BRD8: variants seen among roughly 807,000 people sequenced by gnomAD.
BRD8 encodes the protein bromodomain-containing protein 8.
Under a neutral mutation model 143.1 loss-of-function variants are expected in BRD8, and 67 were observed. The observed-to-expected ratio is 0.47, with a 90% confidence interval of 0.38 to 0.57. The LOEUF (loss-of-function observed/expected upper bound fraction) is 0.57. Among genes scored for constraint, BRD8 ranks in the 20% least tolerant of loss-of-function variants. The pLI is 0.00. For synonymous variants in BRD8, 505 were observed against 517.1 expected (o/e 0.98, Z 0.32); for missense variants, 1,103 against 1,503.0 (o/e 0.73, Z 4.40).
In BRD8 at chr5:138,152,771, A is replaced by T; in HGVS notation, c.2578-11T>A. The stretch of plus-strand genomic sequence containing the variant: ...CCACTCGTGTCCCATCTGTAAATAC[A>T]CAGGAAAACATGCATTAAATTCATT... On this transcript the variant is annotated splice_polypyrimidine_tract_variant and intron_variant, in intron 20 of 26. Coordinates refer to ENST00000254900, the MANE Select transcript of BRD8 (RefSeq NM_139199.2). The T allele has an allele frequency of 6.2e-7, 1 of 1,604,718 alleles. No individual in the cohort carries two copies. The highest frequency in any genetic ancestry group is 8.5e-7 in the Non-Finnish European group (1 of 1,173,050).
chr5:138,140,626 G>A (rs1414732090), intron 26 of BRD8, 79 bp downstream of exon 26: 1 of 1,458,600 alleles, frequency 6.9e-7, no homozygotes, highest in South Asian at 1.1e-5. Flanking sequence ...TGAGAACACA[G>A]TCACCTCGAA....
chr5:138,157,088 C>A (rs1752651743), intron 20 of BRD8: 4 of 1,553,734 alleles, frequency 2.6e-6, no homozygotes, highest in Admixed American at 1.9e-5. Context: ...CAGCTCATGT[C>A]GTGTGGCCCA....
chr5:138,163,735 G>T, intron 14 of BRD8: 2 of 875,790 alleles, frequency 2.3e-6, no homozygotes, highest in Non-Finnish European at 3.2e-6. Flanking sequence ...TGTTACTGCT[G>T]CTTTAATAAT....
intron 2 of BRD8, among the ~76,000 whole-genome samples, chr5:138,175,794 G>A (rs571034272): frequency 1.4e-5 from 2 of 147,798 alleles, no homozygotes; most frequent in South Asian, 4.3e-4. Flanking sequence ...TGTGCCTGTA[G>A]TCCCGGCTAC....
At chr5:138,165,623 G>C (rs2269956) in intron 11 of BRD8, among the ~76,000 whole-genome samples, 27,767 of 151,862 alleles carry the variant, frequency 0.18, 3,418 homozygotes, top group East Asian at 0.38. Flanking sequence ...CTACTCAGGA[G>C]GCTGAGGCAC....
At chr5:138,159,625 TCAG>T in intron 19 of BRD8, 26 bp from the exon 20 acceptor site, 3 of 1,612,688 alleles carry the variant, frequency 1.9e-6, no homozygotes, top group Non-Finnish European at 2.5e-6. Flanking sequence ...CAAACACTGA[TCAG>T]GTTCCACAGA....
At chr5:138,152,818 T>C in intron 20 of BRD8, 58 bp from the exon 21 acceptor site, 1 of 1,552,234 alleles carries the variant, frequency 6.4e-7, no homozygotes, top group Non-Finnish European at 8.7e-7. Context: ...TCCTGAGGCA[T>C]CTCCATCTCC....
chr5:138,178,553 G>T, intron 1 of BRD8, 43 bp downstream of exon 1: 3 of 1,586,826 alleles, frequency 1.9e-6, no homozygotes, highest in East Asian at 2.2e-5. Flanking sequence ...CCTAGCCTCG[G>T]ATCTACAAAG....
At position 138,140,707 on chromosome 5, in the gene BRD8, G is replaced by A. The variant is rs765996343; in HGVS notation, c.3613C>T (p.Gln1205Ter). The change falls in exon 26 of 27, where the codon CAG becomes TAG. Residue 1205 changes from glutamine (Q) to a stop codon, truncating the protein, a stop_gained and splice_region_variant. Transcript: ENST00000254900. LOFTEE classifies it high-confidence loss of function. ...EMRQEVLEQI[Q>*]VLNIWLDKRK... Reference sequence around the variant, plus strand: ...CTACAGGTATCTGCATACAGTACCTGAATCTGCTCCAGGACTTCTTGCCGC... The same window carrying A: ...CTACAGGTATCTGCATACAGTACCTAAATCTGCTCCAGGACTTCTTGCCGC... 1 of 1,613,882 alleles carries A rather than the reference G, an allele frequency of 6.2e-7. No homozygotes were observed. Among genetic ancestry groups the A allele is most frequent in the East Asian group, 2.2e-5 (1 of 44,880 alleles).
intron 19 of BRD8, among the ~76,000 whole-genome samples, chr5:138,159,851 C>T (rs1752866462): frequency 6.6e-6 from 1 of 152,204 alleles, no homozygotes; most frequent in Admixed American, 6.5e-5. Context: ...TTAATAATTC[C>T]CCTACTCATG....
chr5:138,152,558 C>T lies in BRD8; in HGVS notation c.2780G>A (p.Gly927Glu), dbSNP rs150159308. 3.4e-5 allele frequency: 55 copies of T among 1,614,086 alleles called. No individual in the cohort carries two copies. The highest frequency in any genetic ancestry group is 1.2e-4 in the African/African-American group (9 of 74,928). The change falls in exon 21 of 27, where the codon GGG (glycine) becomes GAG (glutamate). Residue 927 changes from glycine (G) to glutamate (E), a missense_variant. This residue lies in a region of BRD8 where 369 missense variants were observed against 445.5 expected (regional missense o/e 0.83). Transcript: ENST00000254900. Reference protein sequence around the residue: ...PEREPSELLVGDGGSEESQEA... With the variant: ...PEREPSELLVEDGGSEESQEA... ...CTGAGATTCCTCACTGCCTCCATCC[C>T]CAACAAGCAGTTCACTAGGTTCTCT...
At chr5:138,177,255 C>A (rs934186194) in intron 2 of BRD8, 4 of 184,658 alleles carry the variant, frequency 2.2e-5, no homozygotes, top group Non-Finnish European at 4.6e-5. Flanking sequence ...CATGGCCAGG[C>A]GCAGTGGCTC....
chr5:138,152,815 G>A, intron 20 of BRD8, 55 bp from the exon 21 acceptor site: 1 of 1,560,486 alleles, frequency 6.4e-7, no homozygotes, highest in Non-Finnish European at 8.7e-7. Flanking sequence ...TATTCCTGAG[G>A]CATCTCCATC....
chr5:138,152,012 G>A (rs1006300219), intron 21 of BRD8, among the ~76,000 whole-genome samples: 5 of 151,886 alleles, frequency 3.3e-5, no homozygotes, highest in African/African-American at 9.7e-5. Flanking sequence ...CCGCCACCAC[G>A]CCCGGCTAAT....
intron 23 of BRD8, among the ~76,000 whole-genome samples, chr5:138,147,962 G>T (rs990646654): frequency 6.6e-6 from 1 of 150,912 alleles, no homozygotes; most frequent in Non-Finnish European, 1.5e-5. Context: ...ATATTTTTTT[G>T]GTTTCCTGTT....
chr5:138,161,273 T>C (rs1349655607), intron 17 of BRD8: 9 of 439,102 alleles, frequency 2.0e-5, no homozygotes, highest in Non-Finnish European at 1.2e-5. Context: ...ATAAAGGGAG[T>C]TTATTTAGGT....
At chr5:138,177,305 G>C in intron 2 of BRD8, 1 of 244,392 alleles carries the variant, frequency 4.1e-6, no homozygotes, top group Non-Finnish European at 8.3e-6. Context: ...CGAGGTGGGG[G>C]GATCACCTGA....
At chr5:138,155,498 TAAAAAA>T (rs113571750) in intron 20 of BRD8, among the ~76,000 whole-genome samples, 1 of 144,602 alleles carries the variant, frequency 6.9e-6, no homozygotes, top group Non-Finnish European at 1.5e-5. Flanking sequence ...ACTCATCACT[TAAAAAA>T]AAAAAAGTTA....
Position 138,145,996 on chromosome 5 carries a change from T to C in BRD8, c.3279-118A>G, listed in dbSNP as rs182589292. 8.2e-5 allele frequency: 54 copies of C among 656,602 alleles called. 1 individual carries two copies. In the East Asian group the frequency reaches 1.3e-3, roughly 16 times the overall value. 40.7% of individuals were successfully genotyped at this position (656,602 alleles called of 1,614,324 possible). On this transcript the variant is annotated intron_variant, in intron 23 of 26. Transcript: ENST00000254900. ...CTCCTAATTAATATCTGAAGCTTTT[T>C]ATCTCCCCTTATCTGGCCAAGCAGA...
Sources: gnomAD v4.1 joint callset for allele counts (sites outside exome capture counted in the v4.1 genomes callset) on GRCh38, gnomAD v4.1.1 for gene constraint, gnomAD v4.1.1 regional missense constraint, MANE v1.5 for transcripts, NCBI Gene and HGNC (gene_info 2026-07-23, HGNC 2026-07-21) for gene names.